COL27A1: variants seen among roughly 807,000 people sequenced by gnomAD.
COL27A1 encodes the protein collagen alpha-1(XXVII) chain.
COL27A1 carries 106 observed loss-of-function variants against 251.3 expected under a neutral mutation model. That is an observed-to-expected ratio of 0.42 (90% CI 0.36 to 0.50). COL27A1 has a LOEUF of 0.50. Ranked by LOEUF, COL27A1 falls within the 20% of genes least tolerant of loss-of-function variation. The pLI is 0.00. For synonymous variants in COL27A1, 1,000 were observed against 986.3 expected (o/e 1.01, Z -0.26); for missense variants, 2,325 against 2,522.8 (o/e 0.92, Z 1.68).
intron 12 of COL27A1, among the ~76,000 whole-genome samples, chr9:114,216,227 G>C (rs935877019): frequency 5.3e-5 from 8 of 152,232 alleles, no homozygotes; most frequent in Non-Finnish European, 1.2e-4. Context: ...AGAGGGGCCC[G>C]ACCTGGGAAA....
intron 19 of COL27A1, 70 bp downstream of exon 19, chr9:114,237,785 C>G: frequency 1.5e-6 from 2 of 1,312,454 alleles, no homozygotes; most frequent in Non-Finnish European, 2.2e-6. Flanking sequence ...GAAACTGAGG[C>G]CCAGGGATGG....
intron 7 of COL27A1, among the ~76,000 whole-genome samples, chr9:114,201,105 C>A (rs1829543511): frequency 6.6e-6 from 1 of 152,210 alleles, no homozygotes; most frequent in Non-Finnish European, 1.5e-5. Context: ...AATGATTCAT[C>A]TGGCTCCCAA....
intron 3 of COL27A1, among the ~76,000 whole-genome samples, chr9:114,169,701 C>G (rs1564422991): frequency 6.6e-6 from 1 of 152,218 alleles, no homozygotes; most frequent in Non-Finnish European, 1.5e-5. Flanking sequence ...GGTGGCTACC[C>G]CCAGGTGAAG....
chr9:114,163,854 G>A (rs767555059), intron 2 of COL27A1, among the ~76,000 whole-genome samples: 4 of 149,058 alleles, frequency 2.7e-5, no homozygotes, highest in Non-Finnish European at 6.0e-5. Flanking sequence ...TCAGTCACTG[G>A]GGCGGGGGGC....
intron 12 of COL27A1, among the ~76,000 whole-genome samples, chr9:114,211,293 G>A (rs1830345744): frequency 6.6e-6 from 1 of 152,234 alleles, no homozygotes; most frequent in South Asian, 2.1e-4. Flanking sequence ...CTCCAGTGCA[G>A]TTCTGTGTCT....
chr9:114,306,822 A>G, intron 58 of COL27A1, 134 bp downstream of exon 58: 2 of 942,780 alleles, frequency 2.1e-6, no homozygotes, highest in Non-Finnish European at 3.1e-6. Context: ...TCATTTATTC[A>G]CTCAGCAGTC....
chr9:114,204,624 G>T lies in COL27A1; in HGVS notation c.2125-478G>T, dbSNP rs567601954. Among the ~76,000 whole-genome samples, 5 of 152,272 alleles carry T rather than the reference G, an allele frequency of 3.3e-5. No homozygotes were observed. In the South Asian group the frequency reaches 1.0e-3, roughly 32 times the overall value. On this transcript the variant is annotated intron_variant, in intron 7 of 60. Coordinates refer to ENST00000356083, the MANE Select transcript of COL27A1 (RefSeq NM_032888.4). ...AAATGTGGTCAAGGCGTGTGATGGG[G>T]GCTTTATGAGAAGGGGCAGGTCTTG...
rs1303922123 is a variant in COL27A1 at position 114,310,980 on chromosome 9, G to A, written c.*285G>A. On this transcript the variant is annotated 3_prime_UTR_variant, in exon 61 of 61. Coordinates refer to ENST00000356083, the MANE Select transcript of COL27A1 (RefSeq NM_032888.4). ...GAGCCCCGTGGCCTCTCAGCTCTGC[G>A]GCCACCCCGTTCCCTCCCCAGCTTC... The A allele has an allele frequency of 2.1e-5, 7 of 333,314 alleles. No homozygotes were observed. Among genetic ancestry groups the A allele is most frequent in the East Asian group, 1.5e-4 (3 of 19,534 alleles). The allele number at this position is 333,314 out of a possible 1,614,324, so 20.6% of individuals were successfully genotyped here. A position where few individuals can be genotyped will look rare whatever the true frequency, so the allele number is the denominator to read the frequency against.
chr9:114,246,215 T>G (rs1472180878), intron 24 of COL27A1: 2 of 309,874 alleles, frequency 6.5e-6, no homozygotes, highest in Admixed American at 5.4e-5. Flanking sequence ...ACATTAAAAC[T>G]GGAGGAGCCC....
intron 24 of COL27A1, 51 bp downstream of exon 24, chr9:114,245,961 C>T (rs754084097): frequency 6.5e-7 from 1 of 1,543,856 alleles, no homozygotes; most frequent in Non-Finnish European, 8.9e-7. Context: ...TGGGCCCTTA[C>T]TCTGTGCCAA....
chr9:114,240,227 C>G lies in COL27A1; in HGVS notation c.2735C>G (p.Pro912Arg), dbSNP rs938674323. The change falls in exon 20 of 61, where the codon CCA becomes CGA. Residue 912 changes from proline to arginine, a missense_variant. Around this residue, in one of 4 missense-constraint regions of COL27A1, gnomAD observed 662 missense variants for 795.3 expected, o/e 0.83. Transcript: ENST00000356083. ...CTCTCTGCTTCCCCTCAGGGATTCCCAGGAGACATCGGCCCCCCTGGCGAC... is the reference window on the plus strand; with the variant it reads ...CTCTCTGCTTCCCCTCAGGGATTCCGAGGAGACATCGGCCCCCCTGGCGAC... ...FPGPPGPEGF[P>R]GDIGPPGDNG... 2.0e-5 allele frequency: 33 copies of G among 1,612,106 alleles called. 1 individual carries two copies. The highest frequency in any genetic ancestry group is 2.8e-5 in the Non-Finnish European group (33 of 1,178,936).
intron 7 of COL27A1, among the ~76,000 whole-genome samples, chr9:114,201,936 G>A (rs1007355495): frequency 2.0e-5 from 3 of 152,196 alleles, no homozygotes; most frequent in African/African-American, 7.2e-5. Flanking sequence ...CACAGGCCAG[G>A]CGCTGCCCCT....
chr9:114,252,565 C>A, intron 25 of COL27A1, 28 bp from the exon 26 acceptor site: 1 of 1,611,642 alleles, frequency 6.2e-7, no homozygotes, highest in Non-Finnish European at 8.5e-7. Context: ...ATAGCCGTGA[C>A]CTGCCTGCAT....
At chr9:114,258,430 A>G in intron 27 of COL27A1, 111 bp from the exon 28 acceptor site, 1 of 1,083,858 alleles carries the variant, frequency 9.2e-7, no homozygotes, top group Non-Finnish European at 1.3e-6. Flanking sequence ...GCTTCTGAAC[A>G]TGCCCGTCTG....
intron 7 of COL27A1, among the ~76,000 whole-genome samples, chr9:114,203,120 G>A (rs1564463265): frequency 6.6e-6 from 1 of 152,082 alleles, no homozygotes; most frequent in Admixed American, 6.6e-5. Flanking sequence ...TCTCCTTGCA[G>A]CCCAGATGTT....
chr9:114,290,150 G>GGCCCCCCCCCCCCCCCC lies in COL27A1; in HGVS notation c.4260+39_4260+40insGCCCCCCCCCCCCCCCC. The GGCCCCCCCCCCCCCCCC allele has an allele frequency of 6.3e-7, 1 of 1,593,536 alleles. No individual in the cohort carries two copies. Among genetic ancestry groups the GGCCCCCCCCCCCCCCCC allele is most frequent in the African/African-American group, 1.3e-5 (1 of 74,480 alleles). Reference sequence around the variant, plus strand: ...GCTGCTGTTTCCAGCCAACCTCCCTGCCCGCCCCCCACACCCGCCCTCCTC... The same window carrying GGCCCCCCCCCCCCCCCC: ...GCTGCTGTTTCCAGCCAACCTCCCTGGCCCCCCCCCCCCCCCCCCCGCCCCCCACACCCGCCCTCCTC... On this transcript the variant is annotated intron_variant, in intron 46 of 60. Transcript: ENST00000356083. The surrounding 1 kb of genome is among the most constrained non-coding windows in gnomAD (Gnocchi z 4.6).
intron 1 of COL27A1, among the ~76,000 whole-genome samples, chr9:114,156,388 G>A (rs1848124963): frequency 6.6e-6 from 1 of 151,902 alleles, no homozygotes; most frequent in Admixed American, 6.5e-5. Flanking sequence ...GTGTGTTCCG[G>A]TGTCTCAGTG....
intron 1 of COL27A1, among the ~76,000 whole-genome samples, chr9:114,159,350 T>C (rs1026348346): frequency 6.6e-6 from 1 of 152,112 alleles, no homozygotes; most frequent in Admixed American, 6.5e-5. Flanking sequence ...CATGTGTCGT[T>C]TTTGTACCTT....
chr9:114,230,614 CCCTCCTCAGAGAGAGCCAAG>C (rs1454452624), intron 14 of COL27A1, among the ~76,000 whole-genome samples: 6 of 152,152 alleles, frequency 3.9e-5, no homozygotes, highest in Non-Finnish European at 8.8e-5. Context: ...TTACTTGCTG[CCCTCCTCAGAGAGAGCCAAG>C]CCTCTGGGAA....
Sources: allele counts gnomAD v4.1 joint callset (sites outside exome capture counted in the v4.1 genomes callset), GRCh38; gene constraint gnomAD v4.1.1; regional missense constraint gnomAD v4.1.1; non-coding constraint Gnocchi (gnomAD v3.1); transcripts MANE v1.5; gene names NCBI Gene and HGNC (gene_info 2026-07-23, HGNC 2026-07-21).